Variants in CLMN observed in about 807,000 individuals in gnomAD.
The protein encoded by CLMN is calmin, also known as calmin (calponin-like, transmembrane).
A neutral mutation model predicts 92.7 loss-of-function variants in CLMN; 57 were observed. The observed-to-expected ratio is 0.61, with a 90% CI of 0.50 to 0.77. The LOEUF is 0.77. CLMN is among the 30% of genes least tolerant of loss of function. CLMN has a pLI of 0.00. For synonymous variants in CLMN, 466 were observed against 470.6 expected (o/e 0.99, Z 0.13); for missense variants, 1,158 against 1,237.5 (o/e 0.94, Z 0.96).
At chr14:95,210,603 A>G (rs1435442385) in intron 7 of CLMN, 83 bp downstream of exon 7, 1 of 1,422,026 alleles carries the variant, frequency 7.0e-7, no homozygotes. Flanking sequence ...ATTTTTCTGT[A>G]TTTTCCAGAT....
chr14:95,310,145 T>C (rs957091304), intron 1 of CLMN, among the ~76,000 whole-genome samples: 1 of 152,170 alleles, frequency 6.6e-6, no homozygotes, highest in South Asian at 2.1e-4. Context: ...ATTGGAAGCT[T>C]CCTGAGGCCT....
intron 1 of CLMN, among the ~76,000 whole-genome samples, chr14:95,247,775 A>G (rs1291117427): frequency 6.6e-6 from 1 of 152,132 alleles, no homozygotes; most frequent in East Asian, 1.9e-4. Context: ...CTGGACTCCA[A>G]CTGACTGGTC....
At chr14:95,314,608 G>A (rs900973712) in intron 1 of CLMN, among the ~76,000 whole-genome samples, 24 of 152,216 alleles carry the variant, frequency 1.6e-4, no homozygotes, top group Admixed American at 1.4e-3. Flanking sequence ...CAGCGAGTTT[G>A]CAACAAAGCC....
At chr14:95,310,865 G>A (rs1302351918) in intron 1 of CLMN, among the ~76,000 whole-genome samples, 1 of 152,252 alleles carries the variant, frequency 6.6e-6, no homozygotes, top group East Asian at 1.9e-4. Flanking sequence ...GTGCAGCTGT[G>A]GCCCAGTTCC....
intron 1 of CLMN, among the ~76,000 whole-genome samples, chr14:95,268,822 T>C (rs1476050998): frequency 2.5e-5 from 3 of 118,252 alleles, no homozygotes; most frequent in African/African-American, 3.2e-5. Context: ...TTTTTTTTTT[T>C]AGACAGAGTC....
chr14:95,312,094 G>T (rs1227361868), intron 1 of CLMN, among the ~76,000 whole-genome samples: 1 of 152,120 alleles, frequency 6.6e-6, no homozygotes, highest in African/African-American at 2.4e-5. Flanking sequence ...AACCTACAGG[G>T]CAGTCTAGCT....
intron 1 of CLMN, among the ~76,000 whole-genome samples, chr14:95,299,066 T>A (rs955425486): frequency 7.2e-5 from 11 of 152,214 alleles, no homozygotes; most frequent in Admixed American, 7.2e-4. Flanking sequence ...GAGTGCCCTC[T>A]ATGTGTCTGA....
At chr14:95,221,855 CT>C in intron 3 of CLMN, 81 bp from the exon 4 acceptor site, 1 of 1,327,478 alleles carries the variant, frequency 7.5e-7, no homozygotes, top group Non-Finnish European at 1.0e-6. Context: ...GCTGGGTGTG[CT>C]TTACTTTTTT....
rs61665014 is a variant in CLMN, at chr14:95,310,213, A to G, written c.82+9498T>C. On this transcript the variant is annotated intron_variant, in intron 1 of 12. Transcript: ENST00000298912. ...GAACAGCCTGCAGAACCATGAGCCA[A>G]TTAAACTTCTTTTCTTTATAAATTA... Among the ~76,000 whole-genome samples, 25 of 152,290 alleles carry G rather than the reference A, an allele frequency of 1.6e-4. 1 individual carries two copies. Among genetic ancestry groups the G allele is most frequent in the Admixed American group, 4.6e-4 (7 of 15,306 alleles).
At chr14:95,317,626 T>C (rs549530096) in intron 1 of CLMN, among the ~76,000 whole-genome samples, 7 of 150,184 alleles carry the variant, frequency 4.7e-5, no homozygotes, top group African/African-American at 1.5e-4. Flanking sequence ...CCAGAGTACA[T>C]ACTGTATGAT....
At chr14:95,192,765 G>C (rs1420988917) in intron 12 of CLMN, 3 of 153,740 alleles carry the variant, frequency 2.0e-5, no homozygotes, top group African/African-American at 4.8e-5. Flanking sequence ...GCCTCCCAAA[G>C]TGCTGGGATT....
chr14:95,253,385 T>C (rs775753398), intron 1 of CLMN, among the ~76,000 whole-genome samples: 26 of 152,258 alleles, frequency 1.7e-4, no homozygotes, highest in Middle Eastern at 6.8e-3. Context: ...CTGTGCCCAG[T>C]CCACATAACC....
In CLMN at chr14:95,289,494, TAAATAAATAAATAAACAAAC is replaced by T. The variant is rs1209266488; in HGVS notation, c.82+30197_82+30216del. On this transcript the variant is annotated intron_variant, in intron 1 of 12. Transcript: ENST00000298912. ...ATAAATAAATAAATAAATAAATAAA[TAAATAAATAAATAAACAAAC>T]AAACAAACAAAAAAACCGTTGTTCT... Among the ~76,000 whole-genome samples the T allele has an allele frequency of 3.7e-3, 483 of 129,764 alleles. 6 individuals carry two copies. The highest frequency in any genetic ancestry group is 7.4e-3 in the Admixed American group (83 of 11,194). The allele number at this position is 129,764 out of a possible 152,430, so 85.1% of individuals were successfully genotyped here. A position where few individuals can be genotyped will look rare whatever the true frequency, so the allele number is the denominator to read the frequency against.
chr14:95,273,963 C>T (rs926525120), intron 1 of CLMN, among the ~76,000 whole-genome samples: 1 of 152,206 alleles, frequency 6.6e-6, no homozygotes, highest in Admixed American at 6.5e-5. Context: ...CGCTGGGTCA[C>T]GCTCAACTCA....
intron 1 of CLMN, 64 bp downstream of exon 1, chr14:95,319,647 T>C: frequency 7.4e-7 from 1 of 1,347,972 alleles, no homozygotes; most frequent in South Asian, 1.2e-5. Flanking sequence ...TTGCCAAGTG[T>C]CGGAGCGGCG....
In CLMN at chr14:95,191,871, G is replaced by A. The variant is rs973895438; in HGVS notation, c.2841-139C>T. The A allele has an allele frequency of 6.6e-6, 5 of 759,790 alleles. No individual in the cohort carries two copies. The East Asian group carries it at 1.4e-4, about 21-fold the overall frequency. The allele number at this position is 759,790 out of a possible 1,614,324, so 47.1% of individuals were successfully genotyped here. A position where few individuals can be genotyped will look rare whatever the true frequency, so the allele number is the denominator to read the frequency against. On this transcript the variant is annotated intron_variant, in intron 12 of 12. Coordinates refer to ENST00000298912, the MANE Select transcript of CLMN (RefSeq NM_024734.4). The surrounding 1 kb of genome is among the most constrained non-coding windows in gnomAD (Gnocchi z 5.3). ...GGCTCCCCAGCACCATGTCCAGGTA[G>A]GCCCCACACTGTGTGTACTGGCCCA...
intron 1 of CLMN, among the ~76,000 whole-genome samples, chr14:95,292,165 C>A (rs1376227960): frequency 6.6e-6 from 1 of 152,172 alleles, no homozygotes; most frequent in Admixed American, 6.5e-5. Flanking sequence ...ACACCCTCTA[C>A]ACCATTTATG....
intron 1 of CLMN, among the ~76,000 whole-genome samples, chr14:95,288,825 G>A (rs145153697): frequency 2.1e-3 from 327 of 152,256 alleles, no homozygotes; most frequent in African/African-American, 7.5e-3. Flanking sequence ...CCATCAACAG[G>A]AGAACAGACA....
intron 1 of CLMN, among the ~76,000 whole-genome samples, chr14:95,245,212 A>ATATATATATATATAATATATATATAT (rs1898455662): frequency 3.2e-5 from 1 of 31,006 alleles, no homozygotes; most frequent in African/African-American, 1.9e-4. Context: ...TATATATTAT[A>ATATATATATATATAATATATATATAT]TATATATATA....
Sources: gnomAD v4.1 joint callset for allele counts (sites outside exome capture counted in the v4.1 genomes callset) on GRCh38, gnomAD v4.1.1 for gene constraint, Gnocchi (gnomAD v3.1) non-coding constraint, MANE v1.5 for transcripts, NCBI Gene and HGNC (gene_info 2026-07-23, HGNC 2026-07-21) for gene names.